The following KHDC4 variants were observed in gnomAD, a reference collection of about 807,000 sequenced individuals.
The protein encoded by KHDC4 is KH homology domain-containing protein 4.
KHDC4 carries 19 observed loss-of-function variants against 74.5 expected under a neutral mutation model. That is an observed-to-expected ratio of 0.26 (90% CI 0.18 to 0.37). The LOEUF is 0.37. KHDC4 is among the 10% of genes least tolerant of loss of function. The pLI is 1.00. For synonymous variants in KHDC4, 253 were observed against 266.1 expected (o/e 0.95, Z 0.48); for missense variants, 632 against 754.1 (o/e 0.84, Z 1.90).
chr1:155,928,064 A>G, intron 4 of KHDC4, among the ~76,000 whole-genome samples: 1 of 152,054 alleles, frequency 6.6e-6, no homozygotes, highest in South Asian at 2.1e-4. Context: ...CAATCAACAC[A>G]TATAGAAAGT....
chr1:155,930,501 T>C (rs1167593520), intron 2 of KHDC4, among the ~76,000 whole-genome samples: 2 of 151,908 alleles, frequency 1.3e-5, no homozygotes, highest in Non-Finnish European at 2.9e-5. Context: ...AAAAAGAAAA[T>C]TAAAGGGCCA....
intron 13 of KHDC4, 119 bp from the exon 14 acceptor site, chr1:155,914,439 G>A (rs1455850814): frequency 1.3e-6 from 1 of 797,820 alleles, no homozygotes; most frequent in Non-Finnish European, 2.0e-6. Context: ...ACACCATTTT[G>A]AGGTCACAGG....
At position 155,927,873 on chromosome 1, in the gene KHDC4, CAA is replaced by C. The variant is rs1249710001; in HGVS notation, c.465-719_465-718del. ...ACACACACACACACACACACACACACAAAATTAATGGGGAAAGATTGATCATG... is the reference window on the plus strand; with the variant it reads ...ACACACACACACACACACACACACACAATTAATGGGGAAAGATTGATCATG... On this transcript the variant is annotated intron_variant, in intron 4 of 13. Coordinates refer to ENST00000368321, the MANE Select transcript of KHDC4 (RefSeq NM_014949.4). Among the ~76,000 whole-genome samples, 86 of 49,254 alleles carry C rather than the reference CAA, an allele frequency of 1.7e-3. 5 individuals are homozygous for C. In the East Asian group the frequency reaches 0.083, roughly 48 times the overall value. 32.3% of individuals were successfully genotyped at this position (49,254 alleles called of 152,430 possible).
chr1:155,931,414 G>A (rs1674139981), intron 2 of KHDC4, among the ~76,000 whole-genome samples: 1 of 151,868 alleles, frequency 6.6e-6, no homozygotes, highest in African/African-American at 2.4e-5. Context: ...GGGCAACATG[G>A]CAAACCCATC....
intron 11 of KHDC4, chr1:155,916,938 G>GT (rs1028419477): frequency 4.5e-6 from 2 of 446,682 alleles, no homozygotes; most frequent in Non-Finnish European, 7.9e-6. Context: ...GGACAGGGGT[G>GT]TTATAATTCA....
intron 6 of KHDC4, 193 bp from the exon 7 acceptor site, chr1:155,926,036 T>A (rs763476331): frequency 4.0e-6 from 3 of 749,066 alleles, no homozygotes; most frequent in Non-Finnish European, 7.3e-6. Flanking sequence ...CTAGGAGGAA[T>A]GTATCAGCAA....
At chr1:155,923,949 T>C (rs1231018858) in intron 7 of KHDC4, among the ~76,000 whole-genome samples, 2 of 152,230 alleles carry the variant, frequency 1.3e-5, no homozygotes, top group African/African-American at 2.4e-5. Flanking sequence ...TTCATAAAAT[T>C]ACTATAAAAC....
Position 155,921,360 on chromosome 1 carries a change from A to G in KHDC4, c.1266+15T>C. 1 of 1,612,418 alleles carries G rather than the reference A, an allele frequency of 6.2e-7. No homozygotes were observed. Among genetic ancestry groups the G allele is most frequent in the Non-Finnish European group, 8.5e-7 (1 of 1,178,530 alleles). On this transcript the variant is annotated intron_variant, in intron 10 of 13. Transcript: ENST00000368321. The stretch of plus-strand genomic sequence containing the variant: ...TAAATTCAGTAATATGTTGTTGCAT[A>G]TCCTGACATCCTACCTGTCCAGTGC...
chr1:155,925,766 T>C lies in KHDC4; in HGVS notation c.759A>G (p.Glu253=), dbSNP rs1673977413. 6.2e-7 allele frequency: 1 copy of C among 1,614,172 alleles called. No individual in the cohort carries two copies. Among genetic ancestry groups the C allele is most frequent in the Non-Finnish European group, 8.5e-7 (1 of 1,180,020 alleles). Residue 253 remains glutamate (E), a synonymous_variant, in exon 7 of 14, where the codon GAA becomes GAG. Transcript: ENST00000368321. ...GCTGCAAATAGGAGCAGCCTGGACC[T>C]TCCACCTTCTCCTTGACATTAAAAG... The part of the protein sequence containing the change: ...VPTFNVKEKV[E]GPGCSYLQHI...
At position 155,923,613 on chromosome 1, in the gene KHDC4, C is replaced by A. The variant is rs1285137495; in HGVS notation, c.954+14G>T. ...ATTGCTCTTCTGAATGAGTATCAGACAAATACAACTCACTGTTTGCAAAAG... is the reference window on the plus strand; with the variant it reads ...ATTGCTCTTCTGAATGAGTATCAGAAAAATACAACTCACTGTTTGCAAAAG... On this transcript the variant is annotated intron_variant, in intron 8 of 13. Transcript: ENST00000368321. 2.5e-6 allele frequency: 4 copies of A among 1,605,878 alleles called. No homozygotes were observed. The highest frequency in any genetic ancestry group is 1.7e-6 in the Non-Finnish European group (2 of 1,172,734).
At chr1:155,923,115 G>A (rs1012013507) in intron 8 of KHDC4, among the ~76,000 whole-genome samples, 2 of 151,114 alleles carry the variant, frequency 1.3e-5, no homozygotes, top group Non-Finnish European at 3.0e-5. Context: ...TGAGGCAGGA[G>A]AATGGCGTGA....
At position 155,925,536 on chromosome 1, in the gene KHDC4, A is replaced by C. The variant is rs1425392458; in HGVS notation, c.893+96T>G. 12 of 891,314 alleles carry C rather than the reference A, an allele frequency of 1.3e-5. No individual in the cohort carries two copies. Among genetic ancestry groups the C allele is most frequent in the Non-Finnish European group, 2.2e-5 (12 of 543,418 alleles). 55.2% of individuals were successfully genotyped at this position (891,314 alleles called of 1,614,324 possible). The stretch of plus-strand genomic sequence containing the variant: ...TTATCTAAATCCCTCATTACTATTA[A>C]TTACACCCAGTTTTCTCTTGCTCCT... On this transcript the variant is annotated intron_variant, in intron 7 of 13. Coordinates refer to ENST00000368321, the MANE Select transcript of KHDC4 (RefSeq NM_014949.4).
chr1:155,932,224 G>T (rs1039641426), intron 2 of KHDC4: 1 of 152,142 alleles, frequency 6.6e-6, no homozygotes, highest in Non-Finnish European at 1.5e-5. Context: ...AGGCTCAGGT[G>T]ATCTTTCCAC....
At chr1:155,920,420 G>A (rs1278404225) in intron 10 of KHDC4, among the ~76,000 whole-genome samples, 2 of 152,086 alleles carry the variant, frequency 1.3e-5, no homozygotes, top group East Asian at 1.9e-4. Context: ...CTGGGCAACA[G>A]AGCGAGACTC....
At chr1:155,917,215 C>G (rs1186878305) in intron 11 of KHDC4, among the ~76,000 whole-genome samples, 2 of 152,098 alleles carry the variant, frequency 1.3e-5, no homozygotes, top group Admixed American at 1.3e-4. Context: ...AGATATCACT[C>G]TCTTTTTTAG....
In KHDC4 at chr1:155,916,675, A is replaced by G. The variant is rs1463975154; in HGVS notation, c.1503T>C (p.Gly501=). The change falls in exon 12 of 14, where the codon GGT becomes GGC. Residue 501 remains glycine, a synonymous_variant. Transcript: ENST00000368321. ...AGGAACTTGCTGGCTTCGATCCTGCACCTTCAATCTCATTCTGACTGGAGA... is the reference window on the plus strand; with the variant it reads ...AGGAACTTGCTGGCTTCGATCCTGCGCCTTCAATCTCATTCTGACTGGAGA... ...TGFSSQNEIE[G]AGSKPASSSG... 1.2e-6 allele frequency: 2 copies of G among 1,614,002 alleles called. No homozygotes were observed. Among genetic ancestry groups the G allele is most frequent in the Non-Finnish European group, 1.7e-6 (2 of 1,180,010 alleles).
Position 155,917,689 on chromosome 1 carries a change from C to A in KHDC4, c.1267-17G>T, listed in dbSNP as rs1197824714. 8 of 1,479,034 alleles carry A rather than the reference C, an allele frequency of 5.4e-6. No individual in the cohort carries two copies. The highest frequency in any genetic ancestry group is 5.4e-6 in the Non-Finnish European group (6 of 1,117,928). The allele number at this position is 1,479,034 out of a possible 1,614,324, so 91.6% of individuals were successfully genotyped here. A position where few individuals can be genotyped will look rare whatever the true frequency, so the allele number is the denominator to read the frequency against. On this transcript the variant is annotated splice_polypyrimidine_tract_variant and intron_variant, in intron 10 of 13. Coordinates refer to ENST00000368321, the MANE Select transcript of KHDC4 (RefSeq NM_014949.4). ...CATCGGACTCTGGGACCAAAACAAA[C>A]CAAGGAAGAAAAAAAGTGTGAGAAT... is the stretch of plus-strand genomic sequence containing the variant.
chr1:155,926,598 T>C, intron 6 of KHDC4, 78 bp downstream of exon 6: 2 of 1,490,680 alleles, frequency 1.3e-6, no homozygotes, highest in Non-Finnish European at 9.4e-7. Context: ...ATTACAGGAA[T>C]GAGCCACTGT....
chr1:155,925,916 TAAG>T (rs755073369), intron 6 of KHDC4, 73 bp from the exon 7 acceptor site: 11 of 1,242,154 alleles, frequency 8.9e-6, no homozygotes, highest in Admixed American at 6.8e-5. Flanking sequence ...AATAAGTCAA[TAAG>T]AAATTATAGC....
Sources: allele counts gnomAD v4.1 joint callset (sites outside exome capture counted in the v4.1 genomes callset), GRCh38; gene constraint gnomAD v4.1.1; transcripts MANE v1.5; gene names NCBI Gene and HGNC (gene_info 2026-07-23, HGNC 2026-07-21).